Variants in GRHL2 observed in about 807,000 individuals in gnomAD.
The protein encoded by GRHL2 is grainyhead-like protein 2 homolog.
Under a neutral mutation model 83.8 loss-of-function variants are expected in GRHL2, and 21 were observed. That is an observed-to-expected ratio of 0.25 (90% CI 0.18 to 0.36). The LOEUF (loss-of-function observed/expected upper bound fraction) is 0.36. Among genes scored for constraint, GRHL2 ranks in the 10% least tolerant of loss-of-function variants. GRHL2 has a pLI of 1.00. For missense variants in GRHL2, 623 were observed against 781.8 expected (o/e 0.80, Z 2.42); for synonymous variants, 280 against 278.9 (o/e 1.00, Z -0.04).
chr8:101,614,092 A>G (rs982050258), intron 8 of GRHL2, among the ~76,000 whole-genome samples: 2 of 151,018 alleles, frequency 1.3e-5, no homozygotes, highest in Non-Finnish European at 2.9e-5. Flanking sequence ...TAGCAATTCT[A>G]AAGCTCATTG....
At chr8:101,646,361 T>C (rs1813511054) in intron 13 of GRHL2, among the ~76,000 whole-genome samples, 1 of 152,232 alleles carries the variant, frequency 6.6e-6, no homozygotes, top group Non-Finnish European at 1.5e-5. Context: ...AAGACTGTTT[T>C]TCAGATTATT....
intron 8 of GRHL2, among the ~76,000 whole-genome samples, chr8:101,608,772 CACACA>C (rs1812687059): frequency 1.5e-5 from 2 of 133,554 alleles, no homozygotes; most frequent in Non-Finnish European, 3.1e-5. Flanking sequence ...CACACACACA[CACACA>C]CCTACACCTC....
chr8:101,510,087 C>T (rs2130004121), intron 1 of GRHL2, among the ~76,000 whole-genome samples: 1 of 152,202 alleles, frequency 6.6e-6, no homozygotes, highest in African/African-American at 2.4e-5. Context: ...ACCTCCCAGG[C>T]CCAGATGATC....
intron 1 of GRHL2, among the ~76,000 whole-genome samples, chr8:101,520,161 G>A (rs529973612): frequency 5.3e-4 from 81 of 152,292 alleles, no homozygotes; most frequent in Middle Eastern, 3.4e-3. Flanking sequence ...TGGAACACTT[G>A]TAAGTTTCTA....
chr8:101,651,755 A>G (rs1813625027), intron 14 of GRHL2, among the ~76,000 whole-genome samples: 1 of 152,106 alleles, frequency 6.6e-6, no homozygotes, highest in South Asian at 2.1e-4. Flanking sequence ...GTATCCTTTG[A>G]CCCTGTAAGC....
chr8:101,500,474 G>A (rs939644292), intron 1 of GRHL2, among the ~76,000 whole-genome samples: 1 of 152,072 alleles, frequency 6.6e-6, no homozygotes, highest in African/African-American at 2.4e-5. Flanking sequence ...AATGGTAAAT[G>A]GTAAACTGTA....
chr8:101,541,146 T>C (rs2130115023), intron 1 of GRHL2, among the ~76,000 whole-genome samples: 1 of 103,700 alleles, frequency 9.6e-6, no homozygotes, highest in East Asian at 2.7e-4. Flanking sequence ...TACTATTTCA[T>C]GGTGTGTGTG....
downstream of GRHL2, among the ~76,000 whole-genome samples, chr8:101,673,171 T>A (rs1227247425): frequency 6.6e-6 from 1 of 150,782 alleles, no homozygotes; most frequent in Non-Finnish European, 1.5e-5. Flanking sequence ...CCAGCTAACA[T>A]CATAAGGACA....
At chr8:101,660,584 T>C (rs1813899623) in intron 14 of GRHL2, among the ~76,000 whole-genome samples, 1 of 152,188 alleles carries the variant, frequency 6.6e-6, no homozygotes, top group South Asian at 2.1e-4. Flanking sequence ...TTGTATTTCT[T>C]CCATCTTTTT....
At chr8:101,595,185 T>C (rs944263879) in intron 7 of GRHL2, among the ~76,000 whole-genome samples, 2 of 152,198 alleles carry the variant, frequency 1.3e-5, no homozygotes, top group African/African-American at 4.8e-5. Flanking sequence ...CCTCAATACA[T>C]TTGTTGATTA....
At chr8:101,549,443 G>A (rs1350719219) in intron 2 of GRHL2, among the ~76,000 whole-genome samples, 1 of 152,154 alleles carries the variant, frequency 6.6e-6, no homozygotes, top group African/African-American at 2.4e-5. Flanking sequence ...AAGGAGAGGA[G>A]AGACCAGTTA....
At chr8:101,647,234 A>T (rs1191339674) in intron 13 of GRHL2, among the ~76,000 whole-genome samples, 1 of 152,134 alleles carries the variant, frequency 6.6e-6, no homozygotes, top group African/African-American at 2.4e-5. Context: ...GTGTGATGGC[A>T]CATGCCTGTA....
At chr8:101,562,833 C>A (rs1025760375) in intron 4 of GRHL2, among the ~76,000 whole-genome samples, 3 of 152,110 alleles carry the variant, frequency 2.0e-5, no homozygotes, top group Non-Finnish European at 2.9e-5. Flanking sequence ...CTTTTCAGCC[C>A]ACCTAGGCCA....
chr8:101,534,973 A>C (rs533369423), intron 1 of GRHL2, among the ~76,000 whole-genome samples: 2 of 152,334 alleles, frequency 1.3e-5, no homozygotes, highest in African/African-American at 2.4e-5. Context: ...CTCTGTGTCT[A>C]GTGCTCTGCC....
chr8:101,674,046 A>T (rs1010920591), downstream of GRHL2, among the ~76,000 whole-genome samples: 1 of 152,142 alleles, frequency 6.6e-6, no homozygotes, highest in Non-Finnish European at 1.5e-5. Flanking sequence ...TCTCTGGGAC[A>T]CATTCAAAGC....
chr8:101,673,619 C>A (rs777568096), downstream of GRHL2, among the ~76,000 whole-genome samples: 1 of 151,698 alleles, frequency 6.6e-6, no homozygotes, highest in Non-Finnish European at 1.5e-5. Flanking sequence ...ACAACTTTGA[C>A]ACCCCACTGT....
At chr8:101,546,660 C>T (rs897913203) in intron 2 of GRHL2, among the ~76,000 whole-genome samples, 9 of 152,172 alleles carry the variant, frequency 5.9e-5, no homozygotes, top group African/African-American at 2.2e-4. Context: ...GAGTGATCCA[C>T]CGGCCTTGAC....
At chr8:101,619,219 C>T (rs1563610937) in intron 8 of GRHL2, among the ~76,000 whole-genome samples, 1 of 151,996 alleles carries the variant, frequency 6.6e-6, no homozygotes, top group African/African-American at 2.4e-5. Context: ...CGCCACTGCA[C>T]TCCAGCCTGG....
At chr8:101,528,880 T>A (rs781261179) in intron 1 of GRHL2, 8 of 338,378 alleles carry the variant, frequency 2.4e-5, no homozygotes, top group Non-Finnish European at 4.6e-5. Context: ...AGGTTTGTTG[T>A]TAGATGACAG....
Sources: allele counts gnomAD v4.1 joint callset (sites outside exome capture counted in the v4.1 genomes callset), GRCh38; gene constraint gnomAD v4.1.1; transcripts MANE v1.5; gene names NCBI Gene and HGNC (gene_info 2026-07-23, HGNC 2026-07-21).